Variants in GALNTL6 observed in about 807,000 individuals in gnomAD.
The protein encoded by GALNTL6 is polypeptide N-acetylgalactosaminyltransferase-like 6.
A neutral mutation model predicts 73.7 loss-of-function variants in GALNTL6; 46 were observed. The observed-to-expected ratio is 0.62, with a 90% CI of 0.49 to 0.80. The LOEUF is 0.80. Among genes scored for constraint, GALNTL6 ranks in the 30% least tolerant of loss-of-function variants. GALNTL6 has a pLI of 0.00. For synonymous variants in GALNTL6, 259 were observed against 263.7 expected, an observed-to-expected ratio of 0.98 and a Z score of 0.17; for missense variants, 604 against 755.0, an observed-to-expected ratio of 0.80 and a Z score of 2.34.
intron 2 of GALNTL6, among the ~76,000 whole-genome samples, chr4:171,967,949 G>A (rs1010463852): frequency 1.2e-4 from 18 of 152,108 alleles, no homozygotes; most frequent in African/African-American, 4.3e-4. Context: ...TAGGACGCCT[G>A]AAGCATACCC....
intron 2 of GALNTL6, among the ~76,000 whole-genome samples, chr4:172,218,547 G>A (rs1318478842): frequency 6.6e-6 from 1 of 151,986 alleles, no homozygotes; most frequent in Non-Finnish European, 1.5e-5. Context: ...TAAGAAAAGA[G>A]ACCTTGGTTG....
At chr4:172,345,094 G>GTTTT (rs34057253) in intron 4 of GALNTL6, among the ~76,000 whole-genome samples, 1 of 141,652 alleles carries the variant, frequency 7.1e-6, no homozygotes, top group Non-Finnish European at 1.6e-5. Context: ...AAGAGGTATT[G>GTTTT]TTTTTTTTTT....
intron 2 of GALNTL6, among the ~76,000 whole-genome samples, chr4:172,167,945 A>G (rs13124370): frequency 0.79 from 115,357 of 145,696 alleles, 46,062 homozygotes; most frequent in Non-Finnish European, 0.85. Flanking sequence ...CGGCCTGGGC[A>G]ACAGAGCGAG....
chr4:172,245,491 A>G (rs1399490562), intron 3 of GALNTL6, among the ~76,000 whole-genome samples: 1 of 152,190 alleles, frequency 6.6e-6, no homozygotes, highest in Non-Finnish European at 1.5e-5. Flanking sequence ...TAGAGAACAA[A>G]TTTTTGATGA....
At chr4:172,006,445 T>C (rs4349561) in intron 2 of GALNTL6, among the ~76,000 whole-genome samples, 130,997 of 151,994 alleles carry the variant, frequency 0.86, 58,375 homozygotes, top group South Asian at 0.98. Context: ...CTAGGCAACA[T>C]AGTGAGACCC....
intron 2 of GALNTL6, among the ~76,000 whole-genome samples, chr4:171,969,516 C>T (rs990966167): frequency 2.0e-5 from 3 of 152,178 alleles, no homozygotes; most frequent in African/African-American, 2.4e-5. Flanking sequence ...TTTATTTACA[C>T]GTGATTATTT....
In GALNTL6 at chr4:172,901,829, C is replaced by T. The variant is rs1016226957; in HGVS notation, c.1041+18922C>T. Among the ~76,000 whole-genome samples the T allele has an allele frequency of 3.3e-5, 5 of 152,216 alleles. No homozygotes were observed. The East Asian group carries it at 5.8e-4, about 18-fold the overall frequency. ...AGTAAATTTCATGCCATAACATAAA[C>T]GTCTACCCTGTAGAATTTTCAGGAG... On this transcript the variant is annotated intron_variant, in intron 8 of 12. Transcript: ENST00000506823.
intron 5 of GALNTL6, among the ~76,000 whole-genome samples, chr4:172,686,069 T>A (rs1346529004): frequency 3.3e-5 from 5 of 152,188 alleles, no homozygotes; most frequent in African/African-American, 7.2e-5. Flanking sequence ...CTATATTTTT[T>A]TAAAAATAAG....
At chr4:172,934,267 A>G (rs1279339894) in intron 9 of GALNTL6, among the ~76,000 whole-genome samples, 1 of 152,224 alleles carries the variant, frequency 6.6e-6, no homozygotes, top group African/African-American at 2.4e-5. Context: ...CACTGAATTA[A>G]CGAGTTTCAT....
At chr4:172,055,128 C>A in intron 2 of GALNTL6, among the ~76,000 whole-genome samples, 1 of 152,042 alleles carries the variant, frequency 6.6e-6, no homozygotes, top group Non-Finnish European at 1.5e-5. Flanking sequence ...TTGTATGGGG[C>A]TCTCTGGCAA....
chr4:172,560,724 A>G (rs1736322544), intron 5 of GALNTL6, among the ~76,000 whole-genome samples: 1 of 152,132 alleles, frequency 6.6e-6, no homozygotes, highest in Non-Finnish European at 1.5e-5. Flanking sequence ...TGTACCCATG[A>G]TAGAATCAAG....
intron 2 of GALNTL6, among the ~76,000 whole-genome samples, chr4:171,946,381 A>G (rs1738702200): frequency 6.6e-6 from 1 of 152,190 alleles, no homozygotes; most frequent in Admixed American, 6.6e-5. Context: ...TTGTCTAGTT[A>G]CTGCTTTTAC....
chr4:172,452,805 A>G (rs1022274090), intron 5 of GALNTL6, among the ~76,000 whole-genome samples: 10 of 152,236 alleles, frequency 6.6e-5, no homozygotes, highest in African/African-American at 2.4e-4. Flanking sequence ...TAAATTCATA[A>G]TCTATTGTAT....
rs1185461514 is a variant in GALNTL6, at chr4:172,353,804, A to G, written c.553+5115A>G. Among the ~76,000 whole-genome samples, 5 of 152,074 alleles carry G rather than the reference A, an allele frequency of 3.3e-5. No homozygotes were observed. The East Asian group carries it at 9.6e-4, about 29-fold the overall frequency. On this transcript the variant is annotated intron_variant, in intron 5 of 12. Coordinates refer to ENST00000506823, the MANE Select transcript of GALNTL6 (RefSeq NM_001034845.3). The stretch of plus-strand genomic sequence containing the variant: ...AGCAATTCCTATAATGATCCACATT[A>G]CCATTAAAAAATCCTAGACCCTTCA...
At chr4:172,768,531 C>T (rs1738574594) in intron 5 of GALNTL6, among the ~76,000 whole-genome samples, 1 of 152,168 alleles carries the variant, frequency 6.6e-6, no homozygotes, top group East Asian at 1.9e-4. Context: ...TGGGTATACT[C>T]AAGAAAGATT....
chr4:171,913,163 A>G (rs1737522100), intron 2 of GALNTL6, among the ~76,000 whole-genome samples: 1 of 152,214 alleles, frequency 6.6e-6, no homozygotes. Context: ...GTTCAGAAGT[A>G]AAGTAGCTGT....
At chr4:172,933,758 T>A (rs1369606744) in intron 9 of GALNTL6, among the ~76,000 whole-genome samples, 2 of 152,194 alleles carry the variant, frequency 1.3e-5, no homozygotes, top group Admixed American at 6.5e-5. Context: ...AAGAGAGACT[T>A]TATATATACT....
At chr4:173,008,112 A>C (rs1199593559) in intron 10 of GALNTL6, among the ~76,000 whole-genome samples, 2 of 152,210 alleles carry the variant, frequency 1.3e-5, no homozygotes, top group Non-Finnish European at 2.9e-5. Context: ...CTAAACTATG[A>C]CAATAGGTGT....
At chr4:171,825,480 G>GTCCCCCC (rs1362772582) in intron 2 of GALNTL6, among the ~76,000 whole-genome samples, 1 of 152,080 alleles carries the variant, frequency 6.6e-6, no homozygotes, top group African/African-American at 2.4e-5. Flanking sequence ...TAATGGAATT[G>GTCCCCCC]TCCCCCCTCT....
Sources: gnomAD v4.1 joint callset for allele counts (sites outside exome capture counted in the v4.1 genomes callset) on GRCh38, gnomAD v4.1.1 for gene constraint, MANE v1.5 for transcripts, NCBI Gene and HGNC (gene_info 2026-07-23, HGNC 2026-07-21) for gene names.